The following CAMK1D variants were observed in gnomAD, a reference collection of about 807,000 sequenced individuals.
CAMK1D encodes the protein calcium/calmodulin-dependent protein kinase type 1D.
A neutral mutation model predicts 47.7 loss-of-function variants in CAMK1D; 9 were observed. That is an observed-to-expected ratio of 0.19 (90% CI 0.11 to 0.33). The LOEUF is 0.33. CAMK1D is among the 10% of genes least tolerant of loss of function. The probability of loss-of-function intolerance (pLI) is 1.00; values close to 1 mark genes in which losing one functional copy is unlikely to be tolerated. For missense variants in CAMK1D, 291 were observed against 488.7 expected (o/e 0.60, Z 3.81); for synonymous variants, 184 against 184.9 (o/e 0.99, Z 0.04).
At position 12,832,168 on chromosome 10, in the gene CAMK1D, C is replaced by T. The variant is rs1833429149; in HGVS notation, c.*3281C>T. On this transcript the variant is annotated 3_prime_UTR_variant, in exon 11 of 11. Coordinates refer to ENST00000619168, the MANE Select transcript of CAMK1D (RefSeq NM_153498.4). ...CTGGAGTGGCCTTTCCCTCAGCTGC[C>T]TGTCTGGGCTCCCTGGCTTCCCGGA... The T allele has an allele frequency of 6.6e-6, 1 of 152,512 alleles. No homozygotes were observed. The highest frequency in any genetic ancestry group is 2.4e-5 in the African/African-American group (1 of 41,468). The allele number at this position is 152,512 out of a possible 1,614,324, so 9.4% of individuals were successfully genotyped here. A position where few individuals can be genotyped will look rare whatever the true frequency, so the allele number is the denominator to read the frequency against.
At chr10:12,683,898 A>G (rs1832549572) in intron 3 of CAMK1D, among the ~76,000 whole-genome samples, 1 of 152,096 alleles carries the variant, frequency 6.6e-6, no homozygotes, top group Non-Finnish European at 1.5e-5. Context: ...ATGAGACTGA[A>G]AACATTTCAG....
In CAMK1D at chr10:12,626,415, A is replaced by G. The variant is rs116967474; in HGVS notation, c.225-40321A>G. The stretch of plus-strand genomic sequence containing the variant: ...CAGCTCTTTGATTCTGTCTCCTCAA[A>G]GAGATTCACTTTGAATTCTTTACAT... On this transcript the variant is annotated intron_variant, in intron 2 of 10. Transcript: ENST00000619168. Among the ~76,000 whole-genome samples the G allele has an allele frequency of 3.4e-3, 520 of 152,042 alleles. 3 individuals are homozygous for G. In the East Asian group the frequency reaches 0.042, roughly 12 times the overall value.
intron 3 of CAMK1D, among the ~76,000 whole-genome samples, chr10:12,699,350 ATTGTGCTTT>A (rs1353425693): frequency 6.6e-6 from 1 of 151,840 alleles, no homozygotes; most frequent in African/African-American, 2.4e-5. Flanking sequence ...CATTGCTCTG[ATTGTGCTTT>A]TTCTGGGAAA....
intron 3 of CAMK1D, among the ~76,000 whole-genome samples, chr10:12,677,368 C>T (rs960626423): frequency 6.6e-6 from 1 of 152,024 alleles, no homozygotes; most frequent in Admixed American, 6.5e-5. Flanking sequence ...TATCTTTGTT[C>T]ACAGCAGATA....
At chr10:12,810,193 T>G (rs1832544088) in intron 6 of CAMK1D, among the ~76,000 whole-genome samples, 1 of 147,110 alleles carries the variant, frequency 6.8e-6, no homozygotes, top group Non-Finnish European at 1.5e-5. Context: ...GGATCACATG[T>G]TAAGTGTCCT....
chr10:12,527,039 T>C (rs902800488), intron 1 of CAMK1D, among the ~76,000 whole-genome samples: 5 of 151,788 alleles, frequency 3.3e-5, no homozygotes. Context: ...AAAAAATAAA[T>C]CAAATCTCCC....
intron 1 of CAMK1D, among the ~76,000 whole-genome samples, chr10:12,524,217 A>G (rs1835542778): frequency 6.6e-6 from 1 of 151,402 alleles, no homozygotes; most frequent in Non-Finnish European, 1.5e-5. Flanking sequence ...CGCCCATCTC[A>G]GCCTCCCAAA....
rs562282180 is a variant in CAMK1D, at chr10:12,664,382, A to G, written c.225-2354A>G. Among the ~76,000 whole-genome samples the G allele has an allele frequency of 1.6e-3, 239 of 152,274 alleles. 2 individuals are homozygous for G. Among genetic ancestry groups the G allele is most frequent in the African/African-American group, 5.5e-3 (228 of 41,554 alleles). ...GTGCAACACTTCTCTGGAACGCTGC[A>G]ATGGATTAAAAGCAGTTTCTAGTCA... On this transcript the variant is annotated intron_variant, in intron 2 of 10. Coordinates refer to ENST00000619168, the MANE Select transcript of CAMK1D (RefSeq NM_153498.4).
intron 1 of CAMK1D, among the ~76,000 whole-genome samples, chr10:12,411,376 C>T (rs1839649717): frequency 6.6e-6 from 1 of 152,154 alleles, no homozygotes; most frequent in African/African-American, 2.4e-5. Context: ...AGAAGCAGCT[C>T]CCTGATCACT....
intron 2 of CAMK1D, among the ~76,000 whole-genome samples, chr10:12,574,468 ATTT>A (rs1171556305): frequency 0.011 from 660 of 61,298 alleles, 9 homozygotes; most frequent in African/African-American, 0.046. Flanking sequence ...CGCCTAGCTA[ATTT>A]TTTTTTTTTT....
chr10:12,497,941 G>A (rs949332160), intron 1 of CAMK1D, among the ~76,000 whole-genome samples: 5 of 152,310 alleles, frequency 3.3e-5, no homozygotes, highest in Admixed American at 1.3e-4. Flanking sequence ...CAGTCATGGC[G>A]GAAGGTGAAT....
Position 12,666,818 on chromosome 10 carries a change from C to T in CAMK1D, c.299+8C>T. 1.2e-6 allele frequency: 2 copies of T among 1,608,524 alleles called. No individual in the cohort carries two copies. The highest frequency in any genetic ancestry group is 8.5e-7 in the Non-Finnish European group (1 of 1,175,546). Reference sequence around the variant, plus strand: ...GTACTTGGTCATGCAGCTGTAAGTACCTTGTTTGATTGATGAGTTTTGAAC... The same window carrying T: ...GTACTTGGTCATGCAGCTGTAAGTATCTTGTTTGATTGATGAGTTTTGAAC... On this transcript the variant is annotated splice_region_variant and intron_variant, in intron 3 of 10. Coordinates refer to ENST00000619168, the MANE Select transcript of CAMK1D (RefSeq NM_153498.4).
intron 2 of CAMK1D, among the ~76,000 whole-genome samples, chr10:12,595,984 C>T (rs982985803): frequency 1.3e-5 from 2 of 151,822 alleles, no homozygotes; most frequent in Admixed American, 6.6e-5. Context: ...CACATGGAAC[C>T]CAGCTGCAGG....
intron 1 of CAMK1D, among the ~76,000 whole-genome samples, chr10:12,392,828 A>G (rs1838786776): frequency 6.6e-6 from 1 of 152,132 alleles, no homozygotes; most frequent in Non-Finnish European, 1.5e-5. Flanking sequence ...GGTAACCACC[A>G]TATTACATTC....
chr10:12,504,283 T>A (rs1211620211), intron 1 of CAMK1D, among the ~76,000 whole-genome samples: 1 of 151,004 alleles, frequency 6.6e-6, no homozygotes, highest in Non-Finnish European at 1.5e-5. Flanking sequence ...AAGCCAGCGG[T>A]ATAATTCAGT....
intron 1 of CAMK1D, among the ~76,000 whole-genome samples, chr10:12,540,733 T>C (rs539865196): frequency 2.1e-4 from 32 of 152,344 alleles, no homozygotes; most frequent in African/African-American, 7.2e-4. Context: ...GAAGCTATTA[T>C]GCAGGATTGC....
At chr10:12,529,697 A>G (rs1034012049) in intron 1 of CAMK1D, among the ~76,000 whole-genome samples, 8 of 152,196 alleles carry the variant, frequency 5.3e-5, no homozygotes, top group African/African-American at 1.4e-4. Flanking sequence ...TCACACACAA[A>G]TTTTGCTCGT....
intron 3 of CAMK1D, among the ~76,000 whole-genome samples, chr10:12,747,165 G>T (rs779796051): frequency 6.6e-6 from 1 of 152,064 alleles, no homozygotes; most frequent in Non-Finnish European, 1.5e-5. Flanking sequence ...CCGAGTAGCT[G>T]GGACTACAGG....
intron 5 of CAMK1D, among the ~76,000 whole-genome samples, chr10:12,784,122 A>AGATCGTGTAACAAAGTATTTCTTTCTGCC: frequency 6.6e-6 from 1 of 152,254 alleles, no homozygotes; most frequent in African/African-American, 2.4e-5. Flanking sequence ...AGGTTCTGAG[A>AGATCGTGTAACAAAGTATTTCTTTCTGCC]GATCGTGTAA....
Sources: allele counts gnomAD v4.1 joint callset (sites outside exome capture counted in the v4.1 genomes callset), GRCh38; gene constraint gnomAD v4.1.1; transcripts MANE v1.5; gene names NCBI Gene and HGNC (gene_info 2026-07-23, HGNC 2026-07-21).